SFI1: variants seen among roughly 807,000 people sequenced by gnomAD.
SFI1 encodes the protein SFI1 centrin binding protein.
SFI1 carries 195 observed loss-of-function variants against 207.5 expected under a neutral mutation model. The ratio of observed to expected loss-of-function variants is 0.94; its 90% CI spans 0.84 to 1.06. The LOEUF is 1.06. Ranked by LOEUF, SFI1 falls within the 50% of genes least tolerant of loss-of-function variation. The pLI is 0.00. For synonymous variants in SFI1, 630 were observed against 598.9 expected, an observed-to-expected ratio of 1.05 and a Z score of -0.76; for missense variants, 1,634 against 1,588.0, an observed-to-expected ratio of 1.03 and a Z score of -0.49.
intron 2 of SFI1, among the ~76,000 whole-genome samples, chr22:31,525,370 AC>A (rs1247401548): frequency 5.3e-5 from 8 of 152,054 alleles, no homozygotes; most frequent in Non-Finnish European, 1.2e-4. Flanking sequence ...GTAGATACTC[AC>A]TTTTCCCAGC....
At chr22:31,576,966 A>G (rs1157072489) in intron 10 of SFI1, among the ~76,000 whole-genome samples, 1 of 152,080 alleles carries the variant, frequency 6.6e-6, no homozygotes, top group African/African-American at 2.4e-5. Context: ...CACTACCCCT[A>G]CCATACTGTG....
At chr22:31,533,539 C>T (rs1436762585) in intron 4 of SFI1, among the ~76,000 whole-genome samples, 2 of 151,232 alleles carry the variant, frequency 1.3e-5, no homozygotes, top group African/African-American at 2.4e-5. Context: ...AAAGTTGTAG[C>T]GTTCAGTGGT....
chr22:31,515,095 C>T (rs940613870), intron 2 of SFI1, among the ~76,000 whole-genome samples: 1 of 151,600 alleles, frequency 6.6e-6, no homozygotes, highest in African/African-American at 2.4e-5. Flanking sequence ...AGTAAGTTCC[C>T]AAGTGATGGT....
At chr22:31,594,270 C>T (rs1489612139) in intron 15 of SFI1, among the ~76,000 whole-genome samples, 2 of 152,114 alleles carry the variant, frequency 1.3e-5, no homozygotes. Flanking sequence ...AAAGGTCGGG[C>T]CGGGTGCAGT....
chr22:31,524,706 T>A (rs1026783219), intron 2 of SFI1, among the ~76,000 whole-genome samples: 2 of 151,798 alleles, frequency 1.3e-5, no homozygotes, highest in Non-Finnish European at 2.9e-5. Flanking sequence ...GGATTTTTTT[T>A]TTTTTTTTTG....
intron 1 of SFI1, among the ~76,000 whole-genome samples, chr22:31,502,488 C>T (rs1486136392): frequency 6.6e-6 from 1 of 152,036 alleles, no homozygotes; most frequent in East Asian, 1.9e-4. Context: ...ATTCTCCTGC[C>T]TCAGCCTCCC....
chr22:31,613,562 G>C (rs1291307818), intron 26 of SFI1, 32 bp downstream of exon 26: 1 of 1,577,496 alleles, frequency 6.3e-7, no homozygotes, highest in Admixed American at 1.7e-5. Flanking sequence ...GTGGGGAGCA[G>C]GCAGGGTGTG....
At chr22:31,559,447 G>A (rs1025926185) in intron 7 of SFI1, 11 of 404,060 alleles carry the variant, frequency 2.7e-5, no homozygotes, top group Admixed American at 1.6e-4. Flanking sequence ...AATGGCTTCC[G>A]CGGGAGGCCT....
intron 15 of SFI1, among the ~76,000 whole-genome samples, chr22:31,596,589 G>A (rs1490150716): frequency 6.6e-6 from 1 of 151,904 alleles, no homozygotes; most frequent in African/African-American, 2.4e-5. Context: ...TCAGAAGTTG[G>A]AGACCAGTCT....
At chr22:31,547,053 G>A in intron 5 of SFI1, 82 bp downstream of exon 5, 1 of 1,064,186 alleles carries the variant, frequency 9.4e-7, no homozygotes, top group South Asian at 1.5e-5. Context: ...ATGGTCAAAA[G>A]AAGCAAACTT....
chr22:31,499,152 G>A (rs927786005), intron 1 of SFI1, among the ~76,000 whole-genome samples: 2 of 151,968 alleles, frequency 1.3e-5, no homozygotes, highest in Admixed American at 1.3e-4. Context: ...GTACCTGGGT[G>A]TGTAATACCA....
chr22:31,589,580 A>G lies in SFI1; in HGVS notation c.1544+3A>G. ...GCAAGAGCAACACGTTTCCACAGGT[A>G]TGTTGCGCAGCTCCTGTCTGCACTG... On this transcript the variant is annotated splice_donor_region_variant and intron_variant, in intron 15 of 32. Coordinates refer to ENST00000400288, the MANE Select transcript of SFI1 (RefSeq NM_001007467.3). 4.3e-6 allele frequency: 7 copies of G among 1,611,122 alleles called. No homozygotes were observed. Among genetic ancestry groups the G allele is most frequent in the Non-Finnish European group, 5.9e-6 (7 of 1,179,148 alleles).
chr22:31,537,047 T>C (rs543811665), intron 4 of SFI1, among the ~76,000 whole-genome samples: 1,743 of 151,170 alleles, frequency 0.012, 10 homozygotes, highest in Middle Eastern at 0.031. Context: ...GATTTACTTC[T>C]TTTTTTTTAA....
At chr22:31,614,085 A>C in intron 27 of SFI1, 1 of 557,132 alleles carries the variant, frequency 1.8e-6, no homozygotes, top group Non-Finnish European at 3.1e-6. Flanking sequence ...GCCAAAGCTC[A>C]GGAAATAGGT....
chr22:31,551,197 G>GT (rs374732001), intron 6 of SFI1, among the ~76,000 whole-genome samples: 62 of 152,244 alleles, frequency 4.1e-4, no homozygotes, highest in Non-Finnish European at 6.9e-4. Flanking sequence ...TGCAAGAGTG[G>GT]TAAGACATAG....
At chr22:31,550,129 A>G (rs1185502390) in intron 5 of SFI1, 125 bp from the exon 6 acceptor site, 3 of 613,002 alleles carry the variant, frequency 4.9e-6, no homozygotes, top group South Asian at 4.5e-5. Context: ...GGGTTTCACC[A>G]TATCGGCCAG....
intron 15 of SFI1, among the ~76,000 whole-genome samples, chr22:31,601,052 ATGT>A (rs1420181398): frequency 1.3e-5 from 2 of 150,496 alleles, no homozygotes; most frequent in African/African-American, 2.4e-5. Context: ...GCAGGATTTG[ATGT>A]TGTTAATGGT....
At chr22:31,607,788 G>A (rs1242165887) in intron 21 of SFI1, 149 bp from the exon 22 acceptor site, 7 of 620,066 alleles carry the variant, frequency 1.1e-5, no homozygotes, top group Middle Eastern at 3.9e-4. Context: ...AGTGGTCTGC[G>A]TGCAAGGCAG....
chr22:31,552,001 A>G (rs1356614605), intron 6 of SFI1, among the ~76,000 whole-genome samples: 1 of 152,020 alleles, frequency 6.6e-6, no homozygotes, highest in African/African-American at 2.4e-5. Context: ...ATGATAGGTA[A>G]TTTTTCAACC....
Sources: gnomAD v4.1 joint callset for allele counts (sites outside exome capture counted in the v4.1 genomes callset) on GRCh38, gnomAD v4.1.1 for gene constraint, MANE v1.5 for transcripts, NCBI Gene and HGNC (gene_info 2026-07-23, HGNC 2026-07-21) for gene names.